SH3RF3: variants seen among roughly 807,000 people sequenced by gnomAD.
SH3RF3 encodes SH3 domain containing ring finger 3.
SH3RF3 carries 29 observed loss-of-function variants against 66.3 expected under a neutral mutation model. The observed-to-expected ratio is 0.44, with a 90% CI of 0.33 to 0.60. SH3RF3 has a LOEUF of 0.60. SH3RF3 is among the 20% of genes least tolerant of loss of function. The pLI is 0.04. For synonymous variants in SH3RF3, 583 were observed against 532.0 expected (o/e 1.10, Z -1.32); for missense variants, 1,194 against 1,190.9 (o/e 1.00, Z -0.04).
At chr2:109,466,780 C>G (rs1240917687) in intron 8 of SH3RF3, among the ~76,000 whole-genome samples, 1 of 149,314 alleles carries the variant, frequency 6.7e-6, no homozygotes, top group African/African-American at 2.5e-5. Flanking sequence ...CATGTCTATA[C>G]TTGTGCATGT....
intron 4 of SH3RF3, among the ~76,000 whole-genome samples, chr2:109,402,114 C>T (rs1676331916): frequency 6.6e-6 from 1 of 152,250 alleles, no homozygotes. Context: ...TATGCTGCCC[C>T]TGCGGGCTCC....
At chr2:109,335,350 G>A (rs1165131126) in intron 1 of SH3RF3, among the ~76,000 whole-genome samples, 2 of 152,108 alleles carry the variant, frequency 1.3e-5, no homozygotes, top group Non-Finnish European at 2.9e-5. Context: ...ACTCTCAATG[G>A]CGTTTATTTC....
chr2:109,170,803 C>T (rs1316770030), intron 1 of SH3RF3, among the ~76,000 whole-genome samples: 2 of 152,218 alleles, frequency 1.3e-5, no homozygotes, highest in African/African-American at 2.4e-5. Flanking sequence ...AGCTGACATC[C>T]AGGTGCACAG....
chr2:109,499,639 A>G lies in SH3RF3; in HGVS notation c.2481-1864A>G, dbSNP rs574649216. Among the ~76,000 whole-genome samples, 22 of 152,306 alleles carry G rather than the reference A, an allele frequency of 1.4e-4. 1 individual carries two copies. In the South Asian group the frequency reaches 3.7e-3, roughly 26 times the overall value. On this transcript the variant is annotated intron_variant, in intron 9 of 9. Coordinates refer to ENST00000309415, the MANE Select transcript of SH3RF3 (RefSeq NM_001099289.3). ...ATAAGGGCCGAGGGCACAAGGCCCA[A>G]CTGGTTCGTCCTTGGCAGTGTTTTA...
chr2:109,208,374 G>C (rs536528720), intron 1 of SH3RF3, among the ~76,000 whole-genome samples: 9 of 152,188 alleles, frequency 5.9e-5, no homozygotes, highest in African/African-American at 1.9e-4. Flanking sequence ...TCCCATGCTC[G>C]GTCTTCAGGG....
In SH3RF3 at chr2:109,502,124, T is replaced by C. The variant is rs1234862656; in HGVS notation, c.*453T>C. ...GGGCTTCCCGCGGGGCCCAGGTTGC[T>C]CTGTCACCATTCTATATACCTCAGT... On this transcript the variant is annotated 3_prime_UTR_variant, in exon 10 of 10. Transcript: ENST00000309415. The C allele has an allele frequency of 1.2e-5, 2 of 165,786 alleles. No individual in the cohort carries two copies. The highest frequency in any genetic ancestry group is 2.7e-5 in the Non-Finnish European group (2 of 74,908). The allele number at this position is 165,786 out of a possible 1,614,324, so 10.3% of individuals were successfully genotyped here.
Position 109,371,602 on chromosome 2 carries a change from T to C in SH3RF3, c.866T>C (p.Val289Ala), listed in dbSNP as rs1479463949. 1 of 1,614,012 alleles carries C rather than the reference T, an allele frequency of 6.2e-7. No homozygotes were observed. Among genetic ancestry groups the C allele is most frequent in the East Asian group, 2.2e-5 (1 of 44,882 alleles). The change falls in exon 3 of 10, where the codon GTG (valine) becomes GCG (alanine). Residue 289 changes from valine to alanine, a missense_variant. By Grantham distance (64) the Val-to-Ala change is moderately conservative. Transcript: ENST00000309415. ...GAACTGCAGGACGAGATTCTGACGGTGCTCAGGAGAGTGGATGAGAACTGG... is the reference window on the plus strand; with the variant it reads ...GAACTGCAGGACGAGATTCTGACGGCGCTCAGGAGAGTGGATGAGAACTGG... ...LTFTKDEILT[V>A]LRRVDENWAE...
intron 9 of SH3RF3, among the ~76,000 whole-genome samples, chr2:109,497,928 AG>A (rs977184343): frequency 1.1e-4 from 17 of 152,284 alleles, no homozygotes; most frequent in African/African-American, 4.1e-4. Flanking sequence ...GGGAAGAGAG[AG>A]GAGGAGCAGG....
chr2:109,184,586 C>G (rs1214647653), intron 1 of SH3RF3, among the ~76,000 whole-genome samples: 1 of 152,142 alleles, frequency 6.6e-6, no homozygotes, highest in Non-Finnish European at 1.5e-5. Flanking sequence ...TGTTGGCTTC[C>G]CCCATCCAGT....
rs1677814772 is a variant in SH3RF3, at chr2:109,172,669, C to A, written c.573+42556C>A. 2.6e-5 allele frequency among the ~76,000 whole-genome samples: 4 copies of A among 152,198 alleles called. No individual in the cohort carries two copies. In the South Asian group the frequency reaches 6.2e-4, roughly 24 times the overall value. ...GGAAGCAATTGTTTGGGATCTGATA[C>A]TGCTGGGCTCTCATTTTCCTTGTCT... On this transcript the variant is annotated intron_variant, in intron 1 of 9. Coordinates refer to ENST00000309415, the MANE Select transcript of SH3RF3 (RefSeq NM_001099289.3).
At chr2:109,490,518 C>A in intron 8 of SH3RF3, 87 bp from the exon 9 acceptor site, 2 of 1,097,360 alleles carry the variant, frequency 1.8e-6, no homozygotes, top group Non-Finnish European at 2.4e-6. Flanking sequence ...TAAAGTTCCA[C>A]ATAGGAAGAT....
intron 5 of SH3RF3, among the ~76,000 whole-genome samples, chr2:109,428,678 C>T (rs1677105291): frequency 6.6e-6 from 1 of 152,210 alleles, no homozygotes; most frequent in Admixed American, 6.5e-5. Flanking sequence ...TCCTAAAATC[C>T]CATGATTGCC....
chr2:109,377,738 A>G (rs1683422330), intron 3 of SH3RF3, among the ~76,000 whole-genome samples: 1 of 152,214 alleles, frequency 6.6e-6, no homozygotes, highest in Non-Finnish European at 1.5e-5. Flanking sequence ...AGCGTGCCTC[A>G]TCAGACCACT....
chr2:109,489,278 G>A (rs774638126), intron 8 of SH3RF3, among the ~76,000 whole-genome samples: 6 of 152,214 alleles, frequency 3.9e-5, no homozygotes, highest in Non-Finnish European at 7.3e-5. Flanking sequence ...ACACCTTATC[G>A]GGTGGAGACC....
At chr2:109,176,414 A>G (rs1170831603) in intron 1 of SH3RF3, among the ~76,000 whole-genome samples, 2 of 152,186 alleles carry the variant, frequency 1.3e-5, no homozygotes, top group East Asian at 1.9e-4. Context: ...TAGGAGCCCA[A>G]TAGTTGCTCA....
chr2:109,504,201 AAACT>A lies in SH3RF3; in HGVS notation c.*2534_*2537del, dbSNP rs1416779268. On this transcript the variant is annotated 3_prime_UTR_variant, in exon 10 of 10. Coordinates refer to ENST00000309415, the MANE Select transcript of SH3RF3 (RefSeq NM_001099289.3). ...GTACACATGTTTGGCGGTTAAGATG[AAACT>A]AACCCTTATGTTTCATCCTGGCCCC... 4.6e-5 allele frequency: 7 copies of A among 152,270 alleles called. No individual in the cohort carries two copies. The highest frequency in any genetic ancestry group is 1.7e-4 in the African/African-American group (7 of 41,466). The allele number at this position is 152,270 out of a possible 1,614,324, so 9.4% of individuals were successfully genotyped here. A position where few individuals can be genotyped will look rare whatever the true frequency, so the allele number is the denominator to read the frequency against.
intron 1 of SH3RF3, among the ~76,000 whole-genome samples, chr2:109,169,107 C>G (rs1008062980): frequency 3.9e-5 from 6 of 152,132 alleles, no homozygotes; most frequent in African/African-American, 1.4e-4. Context: ...TTCTTTGGAG[C>G]AGGATTGCTG....
intron 1 of SH3RF3, among the ~76,000 whole-genome samples, chr2:109,269,937 A>C: frequency 6.6e-6 from 1 of 152,224 alleles, no homozygotes; most frequent in East Asian, 1.9e-4. Flanking sequence ...ACTACTACTA[A>C]TAAGCTGGTT....
At position 109,259,691 on chromosome 2, in the gene SH3RF3, G is replaced by A. The variant is rs374219219; in HGVS notation, c.574-87983G>A. Among the ~76,000 whole-genome samples the A allele has an allele frequency of 2.6e-5, 4 of 152,212 alleles. No individual in the cohort carries two copies. The South Asian group carries it at 8.3e-4, about 31-fold the overall frequency. ...GTCTATACTTGCTCTCACGGCCTAC[G>A]GAAGAAGAATTTGTTTTTCTTGATT... On this transcript the variant is annotated intron_variant, in intron 1 of 9. Transcript: ENST00000309415.
Sources: gnomAD v4.1 joint callset for allele counts (sites outside exome capture counted in the v4.1 genomes callset) on GRCh38, gnomAD v4.1.1 for gene constraint, MANE v1.5 for transcripts, NCBI Gene and HGNC (gene_info 2026-07-23, HGNC 2026-07-21) for gene names.